Variants in NRXN3 observed in about 807,000 individuals in gnomAD.
The protein encoded by NRXN3 is neurexin 3.
In NRXN3, 32 loss-of-function variants were observed where a neutral mutation model predicts 137.6. The ratio of observed to expected loss-of-function variants is 0.23; its 90% CI spans 0.18 to 0.31. NRXN3 has a LOEUF of 0.31. Among genes scored for constraint, NRXN3 ranks in the 10% least tolerant of loss-of-function variants. NRXN3 has a pLI of 1.00. For missense variants in NRXN3, 1,574 were observed against 2,062.5 expected (o/e 0.76, Z 4.59); for synonymous variants, 798 against 784.5 (o/e 1.02, Z -0.29).
chr14:78,652,803 T>A (rs939803337), intron 6 of NRXN3, among the ~76,000 whole-genome samples: 1 of 152,258 alleles, frequency 6.6e-6, no homozygotes, highest in East Asian at 1.9e-4. Flanking sequence ...GTACCTTTTT[T>A]GTGCTGTAAC....
chr14:78,348,260 C>A (rs1317461318), intron 4 of NRXN3, among the ~76,000 whole-genome samples: 4 of 152,158 alleles, frequency 2.6e-5, no homozygotes, highest in African/African-American at 9.7e-5. Context: ...TAACAAGATT[C>A]CCAGGGGATT....
chr14:78,182,142 C>G (rs561812925), intron 1 of NRXN3, among the ~76,000 whole-genome samples: 1 of 151,818 alleles, frequency 6.6e-6, no homozygotes, highest in Non-Finnish European at 1.5e-5. Flanking sequence ...AGCTAAAATT[C>G]GTTGAGCACT....
At chr14:79,257,859 ATTAAC>A (rs1213581224) in intron 15 of NRXN3, among the ~76,000 whole-genome samples, 1 of 152,052 alleles carries the variant, frequency 6.6e-6, no homozygotes, top group East Asian at 1.9e-4. Flanking sequence ...TCCTTAAGAA[ATTAAC>A]TTATAGGCCG....
chr14:79,010,885 C>T (rs891244695), intron 15 of NRXN3, among the ~76,000 whole-genome samples: 1 of 152,098 alleles, frequency 6.6e-6, no homozygotes, highest in Non-Finnish European at 1.5e-5. Context: ...GAAGCCCATC[C>T]CCTTGACCTT....
At chr14:78,485,123 C>T (rs769301248) in intron 4 of NRXN3, among the ~76,000 whole-genome samples, 2 of 152,028 alleles carry the variant, frequency 1.3e-5, no homozygotes, top group African/African-American at 2.4e-5. Flanking sequence ...CAAAGGGAGC[C>T]CTGGCTCCAG....
chr14:79,698,197 T>G (rs1270594298), intron 19 of NRXN3, among the ~76,000 whole-genome samples: 4 of 151,982 alleles, frequency 2.6e-5, no homozygotes, highest in African/African-American at 9.7e-5. Flanking sequence ...AAACGAGCAA[T>G]GGACTACACT....
At chr14:79,672,633 A>G (rs1603411670) in intron 17 of NRXN3, among the ~76,000 whole-genome samples, 1 of 152,024 alleles carries the variant, frequency 6.6e-6, no homozygotes, top group Non-Finnish European at 1.5e-5. Flanking sequence ...TGTTTTCCCT[A>G]TTGTCACATG....
intron 15 of NRXN3, among the ~76,000 whole-genome samples, chr14:79,388,511 A>G (rs1599580362): frequency 1.3e-5 from 2 of 152,142 alleles, no homozygotes; most frequent in Admixed American, 6.6e-5. Flanking sequence ...TTTCCTTAGG[A>G]ACCCAAGACA....
intron 19 of NRXN3, among the ~76,000 whole-genome samples, chr14:79,706,419 C>CTTTTTTT (rs919138966): frequency 2.6e-5 from 3 of 115,988 alleles, no homozygotes; most frequent in African/African-American, 3.2e-5. Context: ...GGCTTTTTTA[C>CTTTTTTT]TTTTTTTTTT....
chr14:79,314,723 C>G (rs532763520), intron 15 of NRXN3, among the ~76,000 whole-genome samples: 5 of 145,716 alleles, frequency 3.4e-5, no homozygotes, highest in Non-Finnish European at 7.5e-5. Flanking sequence ...GATCTGAGGA[C>G]GGGCAGACTG....
intron 6 of NRXN3, among the ~76,000 whole-genome samples, chr14:78,656,713 GT>G (rs1268084210): frequency 1.3e-5 from 2 of 152,084 alleles, no homozygotes; most frequent in African/African-American, 4.8e-5. Context: ...CCTGATGTAT[GT>G]TTTTGTCCTA....
At position 79,861,554 on chromosome 14, in the gene NRXN3, C is replaced by T. The variant is rs1474088852; in HGVS notation, c.4306C>T (p.Pro1436Ser). Reference protein sequence around the residue: ...AGKMNNRDLKPQPDIVLLPLP... With the variant: ...AGKMNNRDLKSQPDIVLLPLP... ...CAAAATGAATAACCGTGATCTCAAA[C>T]CCCAGCCTGATATAGTCTTGCTTCC... Residue 1436 changes from proline to serine, a missense_variant, in exon 21 of 21, where the codon CCC (proline) becomes TCC (serine). By Grantham distance (74) the Pro-to-Ser change is moderately conservative. Coordinates refer to ENST00000335750, the MANE Select transcript of NRXN3 (RefSeq NM_001330195.2). The surrounding 1 kb of genome is among the most constrained non-coding windows in gnomAD (Gnocchi z 5.4). 1 of 1,574,850 alleles carries T rather than the reference C, an allele frequency of 6.3e-7. No homozygotes were observed. The highest frequency in any genetic ancestry group is 8.6e-7 in the Non-Finnish European group (1 of 1,161,832).
At chr14:78,745,716 A>G (rs180744102) in intron 8 of NRXN3, among the ~76,000 whole-genome samples, 41 of 152,328 alleles carry the variant, frequency 2.7e-4, no homozygotes, top group Admixed American at 2.4e-3. Context: ...TATCTCATTC[A>G]GAGTGAGAGG....
chr14:79,616,089 T>G (rs1211592934), intron 16 of NRXN3, among the ~76,000 whole-genome samples: 1 of 152,090 alleles, frequency 6.6e-6, no homozygotes, highest in Non-Finnish European at 1.5e-5. Flanking sequence ...TTAGAGTTAA[T>G]CAATTGACAA....
chr14:79,248,398 T>A (rs772214647), intron 15 of NRXN3, among the ~76,000 whole-genome samples: 6 of 152,194 alleles, frequency 3.9e-5, no homozygotes, highest in Non-Finnish European at 8.8e-5. Context: ...GCCTTCTAGC[T>A]GTTCTCTCTT....
At chr14:79,742,575 T>G (rs778357369) in intron 19 of NRXN3, among the ~76,000 whole-genome samples, 8 of 152,210 alleles carry the variant, frequency 5.3e-5, no homozygotes, top group Non-Finnish European at 7.3e-5. Flanking sequence ...GGCCATGTTT[T>G]TAAAATTTCT....
chr14:78,683,182 T>C (rs1478959588), intron 6 of NRXN3, among the ~76,000 whole-genome samples: 1 of 152,238 alleles, frequency 6.6e-6, no homozygotes, highest in East Asian at 1.9e-4. Flanking sequence ...TTGGATATAT[T>C]AGGTTAAGTA....
chr14:78,815,374 T>A (rs1221622069), intron 10 of NRXN3, among the ~76,000 whole-genome samples: 1 of 151,524 alleles, frequency 6.6e-6, no homozygotes, highest in Admixed American at 6.6e-5. Context: ...CAGAGATGTA[T>A]GAAAATAACA....
At chr14:78,740,544 C>CT (rs11389703) in intron 8 of NRXN3, among the ~76,000 whole-genome samples, 70,890 of 142,112 alleles carry the variant, frequency 0.5, 21,028 homozygotes, top group Admixed American at 0.66. Context: ...CTTTTCTTTT[C>CT]TTTTTTTTTT....
Sources: allele counts gnomAD v4.1 joint callset (sites outside exome capture counted in the v4.1 genomes callset), GRCh38; gene constraint gnomAD v4.1.1; non-coding constraint Gnocchi (gnomAD v3.1); transcripts MANE v1.5; gene names NCBI Gene and HGNC (gene_info 2026-07-23, HGNC 2026-07-21).